CYP19A1: variants seen among roughly 807,000 people sequenced by gnomAD.
CYP19A1 encodes the protein cytochrome P450 family 19 subfamily A member 1.
Under a neutral mutation model 44.4 loss-of-function variants are expected in CYP19A1, and 32 were observed. The ratio of observed to expected loss-of-function variants is 0.72; its 90% CI spans 0.54 to 0.97. The LOEUF (loss-of-function observed/expected upper bound fraction) is 0.97. CYP19A1 is among the 50% of genes least tolerant of loss of function. The probability of loss-of-function intolerance (pLI) is 0.00; values close to 1 mark genes in which losing one functional copy is unlikely to be tolerated. For synonymous variants in CYP19A1, 212 were observed against 215.6 expected (o/e 0.98, Z 0.14); for missense variants, 598 against 637.8 (o/e 0.94, Z 0.67).
intron 1 of CYP19A1, among the ~76,000 whole-genome samples, chr15:51,243,710 G>C (rs980745668): frequency 6.6e-6 from 1 of 152,220 alleles, no homozygotes; most frequent in African/African-American, 2.4e-5. Flanking sequence ...AGGCAGAATA[G>C]GATGCCACCA....
intron 1 of CYP19A1, among the ~76,000 whole-genome samples, chr15:51,294,400 C>T (rs538567317): frequency 1.3e-5 from 2 of 151,064 alleles, no homozygotes; most frequent in South Asian, 4.2e-4. Context: ...CTCTGCCCGG[C>T]CGCCCCGTCT....
At chr15:51,277,056 G>GAAAT (rs950790379) in intron 1 of CYP19A1, 2 of 151,948 alleles carry the variant, frequency 1.3e-5, no homozygotes, top group African/African-American at 4.8e-5. Context: ...AAAGAAAAAA[G>GAAAT]AAATAAAGAA....
chr15:51,266,869 G>C lies in CYP19A1; in HGVS notation c.-38-23919C>G, dbSNP rs28757140. On this transcript the variant is annotated intron_variant, in intron 1 of 9. Coordinates refer to ENST00000396402, the MANE Select transcript of CYP19A1 (RefSeq NM_000103.4). Reference sequence around the variant, plus strand: ...GACTAGAGGAGCTTTCATTCTGGAAGGGAAGGCATTGCCAGTGAGCTTTAC... The same window carrying C: ...GACTAGAGGAGCTTTCATTCTGGAACGGAAGGCATTGCCAGTGAGCTTTAC... Among the ~76,000 whole-genome samples the C allele has an allele frequency of 6.0e-3, 910 of 152,308 alleles. 14 individuals are homozygous for C. The highest frequency in any genetic ancestry group is 0.021 in the African/African-American group (877 of 41,580).
At chr15:51,226,090 GAAAAAAAAAAA>G (rs55642133) in intron 4 of CYP19A1, among the ~76,000 whole-genome samples, 1 of 44,408 alleles carries the variant, frequency 2.3e-5, no homozygotes, top group Non-Finnish European at 3.7e-5. Context: ...CTCTGTCTCA[GAAAAAAAAAAA>G]AAAAAAAAAA....
chr15:51,296,587 G>C (rs2035999898), intron 1 of CYP19A1, among the ~76,000 whole-genome samples: 1 of 152,192 alleles, frequency 6.6e-6, no homozygotes. Context: ...ATTTTTCATA[G>C]TGCTAAATTC....
chr15:51,223,025 G>A (rs781781612), intron 4 of CYP19A1, among the ~76,000 whole-genome samples: 21 of 152,132 alleles, frequency 1.4e-4, no homozygotes, highest in Non-Finnish European at 2.4e-4. Flanking sequence ...AAGTGTAAAA[G>A]GCTAGTTGTA....
chr15:51,244,520 T>A (rs1371546505), intron 1 of CYP19A1, among the ~76,000 whole-genome samples: 1 of 152,204 alleles, frequency 6.6e-6, no homozygotes, highest in African/African-American at 2.4e-5. Context: ...GTGTCTGTTA[T>A]CATCTGGTTC....
intron 2 of CYP19A1, among the ~76,000 whole-genome samples, chr15:51,238,348 T>A (rs1398841617): frequency 6.6e-6 from 1 of 152,224 alleles, no homozygotes; most frequent in East Asian, 1.9e-4. Flanking sequence ...ATATTAACTT[T>A]TAATCAATTA....
chr15:51,300,267 G>C (rs1458174335), intron 1 of CYP19A1, among the ~76,000 whole-genome samples: 1 of 152,220 alleles, frequency 6.6e-6, no homozygotes, highest in Non-Finnish European at 1.5e-5. Flanking sequence ...TCTACTTCTT[G>C]TCTAGGCTCT....
intron 1 of CYP19A1, among the ~76,000 whole-genome samples, chr15:51,299,216 C>T (rs1004607329): frequency 6.6e-6 from 1 of 152,200 alleles, no homozygotes; most frequent in Non-Finnish European, 1.5e-5. Context: ...GTTTACATGG[C>T]TTTCTGTTGA....
At chr15:51,232,815 T>C (rs2033130930) in intron 3 of CYP19A1, among the ~76,000 whole-genome samples, 1 of 152,230 alleles carries the variant, frequency 6.6e-6, no homozygotes, top group African/African-American at 2.4e-5. Context: ...CTCTTGCACC[T>C]ATTCTCAACA....
intron 1 of CYP19A1, among the ~76,000 whole-genome samples, chr15:51,290,532 T>C (rs1311478764): frequency 6.6e-6 from 1 of 152,186 alleles, no homozygotes; most frequent in African/African-American, 2.4e-5. Context: ...GCCTTGGCTG[T>C]GAAAATTCCA....
rs985067175 is a variant in CYP19A1, at chr15:51,210,012, A to AT, written c.*795dup. Reference sequence around the variant, plus strand: ...TTTGAATTTGAAGTGCATCATGTGAATTTTTTTTTCTACAGCAGACACAGG... The same window carrying AT: ...TTTGAATTTGAAGTGCATCATGTGAATTTTTTTTTTCTACAGCAGACACAGG... On this transcript the variant is annotated 3_prime_UTR_variant, in exon 10 of 10. Transcript: ENST00000396402. 63 of 179,180 alleles carry AT rather than the reference A, an allele frequency of 3.5e-4. No individual in the cohort carries two copies. Among genetic ancestry groups the AT allele is most frequent in the South Asian group, 1.3e-3 (11 of 8,386 alleles). 11.1% of individuals were successfully genotyped at this position (179,180 alleles called of 1,614,324 possible). A position where few individuals can be genotyped will look rare whatever the true frequency, so the allele number is the denominator to read the frequency against.
chr15:51,276,327 C>A (rs1292775361), intron 1 of CYP19A1, among the ~76,000 whole-genome samples: 1 of 152,174 alleles, frequency 6.6e-6, no homozygotes, highest in Non-Finnish European at 1.5e-5. Flanking sequence ...CCCTTGTTTC[C>A]TCATGTATAG....
intron 2 of CYP19A1, among the ~76,000 whole-genome samples, chr15:51,239,569 A>T (rs1303473277): frequency 1.3e-5 from 2 of 152,214 alleles, no homozygotes; most frequent in Non-Finnish European, 2.9e-5. Flanking sequence ...TTGACTGCTA[A>T]AACCTTTAAA....
intron 1 of CYP19A1, among the ~76,000 whole-genome samples, chr15:51,267,845 G>A (rs1296528156): frequency 6.6e-6 from 1 of 152,190 alleles, no homozygotes; most frequent in African/African-American, 2.4e-5. Flanking sequence ...CCGGGGAAGG[G>A]TCTTCCCTGT....
chr15:51,250,903 CA>C (rs2034281733), intron 1 of CYP19A1, among the ~76,000 whole-genome samples: 1 of 152,112 alleles, frequency 6.6e-6, no homozygotes, highest in South Asian at 2.1e-4. Flanking sequence ...ATTTTCCAGC[CA>C]AAACTGGGCT....
Position 51,215,831 on chromosome 15 carries a change from C to G in CYP19A1, c.744-14G>C, listed in dbSNP as rs1208675590. 6.2e-7 allele frequency: 1 copy of G among 1,612,976 alleles called. No homozygotes were observed. Among genetic ancestry groups the G allele is most frequent in the African/African-American group, 1.3e-5 (1 of 74,882 alleles). ...TTCAAATCCTTGCTGGAAAAAAAGT[C>G]AAAATATTGTCTATTTTTACTCAGT... On this transcript the variant is annotated splice_polypyrimidine_tract_variant and intron_variant, in intron 6 of 9. Coordinates refer to ENST00000396402, the MANE Select transcript of CYP19A1 (RefSeq NM_000103.4).
intron 3 of CYP19A1, among the ~76,000 whole-genome samples, chr15:51,232,968 C>T (rs2033141799): frequency 1.3e-5 from 2 of 152,212 alleles, no homozygotes; most frequent in Admixed American, 1.3e-4. Flanking sequence ...GATTTGGTAC[C>T]CTATTGCTTC....
Sources: allele counts gnomAD v4.1 joint callset (sites outside exome capture counted in the v4.1 genomes callset), GRCh38; gene constraint gnomAD v4.1.1; transcripts MANE v1.5; gene names NCBI Gene and HGNC (gene_info 2026-07-23, HGNC 2026-07-21).